GSDMC: variants seen among roughly 807,000 people sequenced by gnomAD.
GSDMC encodes gasdermin C.
GSDMC carries 59 observed loss-of-function variants against 58.0 expected under a neutral mutation model. The observed-to-expected ratio is 1.02, with a 90% CI of 0.82 to 1.26. The LOEUF (loss-of-function observed/expected upper bound fraction) is 1.26. Among genes scored for constraint, GSDMC ranks in the 50% most tolerant of loss-of-function variants. The pLI is 0.00. For missense variants in GSDMC, 659 were observed against 598.5 expected, an observed-to-expected ratio of 1.10 and a Z score of -1.06; for synonymous variants, 241 against 220.2, an observed-to-expected ratio of 1.09 and a Z score of -0.83.
chr8:129,730,083 C>G, the GSDMC span: 3 of 1,027,678 alleles, frequency 2.9e-6, no homozygotes, highest in Non-Finnish European at 4.2e-6. Context: ...TCTATTAAAA[C>G]TTTTTAATTC....
chr8:129,750,129 A>T lies in GSDMC; in HGVS notation c.1084-10T>A, dbSNP rs763041477. The T allele has an allele frequency of 6.5e-7, 1 of 1,549,856 alleles. No individual in the cohort carries two copies. Among genetic ancestry groups the T allele is most frequent in the Non-Finnish European group, 8.7e-7 (1 of 1,151,912 alleles). Reference sequence around the variant, plus strand: ...AGCTGTCCAATTCCAGCTATAGAAGACAGGTATTATTGTTAATAATAATAC... The same window carrying T: ...AGCTGTCCAATTCCAGCTATAGAAGTCAGGTATTATTGTTAATAATAATAC... On this transcript the variant is annotated splice_polypyrimidine_tract_variant and intron_variant, in intron 11 of 13. Transcript: ENST00000276708.
chr8:129,735,206 G>A, the GSDMC span, among the ~76,000 whole-genome samples: 5 of 152,102 alleles, frequency 3.3e-5, no homozygotes, highest in African/African-American at 1.2e-4. Flanking sequence ...CAATAATAAT[G>A]GGAGACTTTA....
chr8:129,709,563 GTAGATGA>G, the GSDMC span, among the ~76,000 whole-genome samples: 241 of 150,340 alleles, frequency 1.6e-3, 1 homozygote, highest in African/African-American at 5.7e-3. Context: ...TAGATAGATG[GTAGATGA>G]TAGATGATAG....
the GSDMC span, among the ~76,000 whole-genome samples, chr8:129,742,061 T>C: frequency 6.6e-5 from 10 of 151,580 alleles, no homozygotes; most frequent in Non-Finnish European, 1.3e-4. Context: ...TACTGCATAA[T>C]CTCACTTATA....
the GSDMC span, among the ~76,000 whole-genome samples, chr8:129,722,186 G>A: frequency 2.6e-5 from 4 of 152,160 alleles, no homozygotes; most frequent in African/African-American, 7.2e-5. Flanking sequence ...GTTGATGAGT[G>A]TTCAATGACT....
chr8:129,750,879 G>A (rs2033162476), intron 10 of GSDMC, among the ~76,000 whole-genome samples: 1 of 152,154 alleles, frequency 6.6e-6, no homozygotes, highest in African/African-American at 2.4e-5. Context: ...GACATGTCAG[G>A]AATACTGTAA....
At position 129,760,555 on chromosome 8, in the gene GSDMC, G is replaced by C. The variant is rs372282354; in HGVS notation, c.711C>G (p.Thr237=). The C allele has an allele frequency of 1.3e-6, 2 of 1,596,272 alleles. No homozygotes were observed. The highest frequency in any genetic ancestry group is 1.7e-6 in the Non-Finnish European group (2 of 1,164,834). ...ILISDDDEQR[T]FQDEYEISEM... ...GGCTTTGGAACTCACCATCTTGAAA[G>C]GTTCTCTGTTCATCATCATCTGAGA... is the stretch of plus-strand genomic sequence containing the variant. The change falls in exon 6 of 14, where the codon ACC becomes ACG. Residue 237 remains threonine, a synonymous_variant. Coordinates refer to ENST00000276708, the MANE Select transcript of GSDMC (RefSeq NM_031415.3).
chr8:129,773,908 T>C (rs2034140266), intron 3 of GSDMC, among the ~76,000 whole-genome samples: 1 of 151,660 alleles, frequency 6.6e-6, no homozygotes, highest in Non-Finnish European at 1.5e-5. Context: ...TGAAAGAAAT[T>C]AAAGAAGACA....
intron 1 of GSDMC, among the ~76,000 whole-genome samples, chr8:129,780,529 A>T (rs2034374142): frequency 6.6e-6 from 1 of 152,212 alleles, no homozygotes; most frequent in Admixed American, 6.5e-5. Flanking sequence ...TTACCCTAGA[A>T]TAATATATCT....
At chr8:129,776,624 G>T (rs1473430690) in intron 2 of GSDMC, among the ~76,000 whole-genome samples, 1 of 152,234 alleles carries the variant, frequency 6.6e-6, no homozygotes. Context: ...CCCAGCAGCA[G>T]AGGGCAGCAC....
At chr8:129,770,360 G>A (rs1022573683) in intron 3 of GSDMC, among the ~76,000 whole-genome samples, 2 of 152,076 alleles carry the variant, frequency 1.3e-5, no homozygotes, top group Non-Finnish European at 2.9e-5. Flanking sequence ...ACCAGTTGTG[G>A]TGGCACACAC....
intron 4 of GSDMC, 51 bp from the exon 5 acceptor site, chr8:129,762,782 G>A: frequency 8.0e-7 from 1 of 1,252,186 alleles, no homozygotes; most frequent in Non-Finnish European, 1.2e-6. Flanking sequence ...AATTTTAAAG[G>A]TCAGATGGCT....
At chr8:129,755,238 A>G (rs546700661) in intron 6 of GSDMC, among the ~76,000 whole-genome samples, 7 of 152,206 alleles carry the variant, frequency 4.6e-5, no homozygotes, top group South Asian at 4.2e-4. Context: ...AACAAATAGC[A>G]TACAATGGAG....
the GSDMC span, among the ~76,000 whole-genome samples, chr8:129,709,586 TAGATGATA>T: frequency 3.2e-4 from 45 of 141,338 alleles, no homozygotes; most frequent in African/African-American, 9.4e-4. Flanking sequence ...GATAGATAGA[TAGATGATA>T]GATAGATAGA....
chr8:129,783,019 G>T (rs556067310), intron 1 of GSDMC, among the ~76,000 whole-genome samples: 158 of 152,106 alleles, frequency 1.0e-3, no homozygotes, highest in Middle Eastern at 3.4e-3. Context: ...ATGACCAAGT[G>T]GGATTTATCC....
intron 3 of GSDMC, among the ~76,000 whole-genome samples, chr8:129,768,373 T>G (rs553159168): frequency 6.6e-6 from 1 of 152,158 alleles, no homozygotes; most frequent in African/African-American, 2.4e-5. Context: ...CTAATAAAGC[T>G]CCAATGACTG....
chr8:129,762,020 A>G (rs2033681179), intron 5 of GSDMC, among the ~76,000 whole-genome samples: 1 of 152,184 alleles, frequency 6.6e-6, no homozygotes, highest in Non-Finnish European at 1.5e-5. Flanking sequence ...GGACTCTGAG[A>G]GCCAGTTGTG....
chr8:129,714,911 T>C, the GSDMC span, among the ~76,000 whole-genome samples: 1 of 152,194 alleles, frequency 6.6e-6, no homozygotes, highest in African/African-American at 2.4e-5. Context: ...TGTACAACGA[T>C]TGAAAGCAAA....
intron 3 of GSDMC, 67 bp from the exon 4 acceptor site, chr8:129,765,860 G>A: frequency 7.2e-7 from 1 of 1,390,616 alleles, no homozygotes; most frequent in South Asian, 1.3e-5. Flanking sequence ...GTTACTCTGG[G>A]TGCCCTTCTC....
Sources: gnomAD v4.1 joint callset for allele counts (sites outside exome capture counted in the v4.1 genomes callset) on GRCh38, gnomAD v4.1.1 for gene constraint, MANE v1.5 for transcripts, NCBI Gene and HGNC (gene_info 2026-07-23, HGNC 2026-07-21) for gene names.